Variants in RALA observed in about 807,000 individuals in gnomAD.
RALA encodes the protein RAS like proto-oncogene A, also known as ras-related protein Ral-A.
RALA carries 5 observed loss-of-function variants against 24.0 expected under a neutral mutation model. The observed-to-expected ratio is 0.21, with a 90% CI of 0.11 to 0.44. The LOEUF (loss-of-function observed/expected upper bound fraction) is 0.44. RALA is among the 20% of genes least tolerant of loss of function. The pLI is 0.99. For synonymous variants in RALA, 77 were observed against 83.8 expected (o/e 0.92, Z 0.44); for missense variants, 95 against 241.2 (o/e 0.39, Z 4.01).
chr7:39,705,392 A>G (rs1407247956), intron 4 of RALA, among the ~76,000 whole-genome samples: 1 of 152,224 alleles, frequency 6.6e-6, no homozygotes, highest in Non-Finnish European at 1.5e-5. Context: ...TCCTCCTTTT[A>G]TCATATACTC....
intron 1 of RALA, among the ~76,000 whole-genome samples, chr7:39,662,603 A>C (rs531036398): frequency 6.6e-6 from 1 of 152,146 alleles, no homozygotes; most frequent in South Asian, 2.1e-4. Flanking sequence ...CTTTACTCCA[A>C]TTCCCAACAA....
chr7:39,696,213 T>C (rs1468683484), intron 3 of RALA, among the ~76,000 whole-genome samples: 1 of 152,198 alleles, frequency 6.6e-6, no homozygotes, highest in Non-Finnish European at 1.5e-5. Flanking sequence ...TGAAAAACAA[T>C]TGGTGGGACC....
At chr7:39,635,387 T>C (rs890824735) in intron 1 of RALA, among the ~76,000 whole-genome samples, 3 of 151,962 alleles carry the variant, frequency 2.0e-5, no homozygotes, top group Admixed American at 1.3e-4. Flanking sequence ...AAAGAAAAAG[T>C]ACAATTTAGT....
At chr7:39,637,917 G>A (rs925699500) in intron 1 of RALA, among the ~76,000 whole-genome samples, 2 of 152,132 alleles carry the variant, frequency 1.3e-5, no homozygotes, top group Admixed American at 1.3e-4. Context: ...TCACCTTTGT[G>A]TACTTCAGCT....
At chr7:39,668,007 A>G (rs557003851) in intron 1 of RALA, among the ~76,000 whole-genome samples, 94 of 152,392 alleles carry the variant, frequency 6.2e-4, no homozygotes, top group East Asian at 2.3e-3. Context: ...AGTCTAGCCA[A>G]TGGTGACATG....
Position 39,678,195 on chromosome 7 carries a change from A to T in RALA, c.-37-8436A>T, listed in dbSNP as rs973308613. On this transcript the variant is annotated intron_variant, in intron 1 of 4. Coordinates refer to ENST00000005257, the MANE Select transcript of RALA (RefSeq NM_005402.4). Reference sequence around the variant, plus strand: ...GTACCCTAAAACTTAAAGTATAATTAAAAAAAAAAAAAAAGATTCATTTTG... The same window carrying T: ...GTACCCTAAAACTTAAAGTATAATTTAAAAAAAAAAAAAAGATTCATTTTG... 4.6e-5 allele frequency among the ~76,000 whole-genome samples: 6 copies of T among 130,726 alleles called. No individual in the cohort carries two copies. The East Asian group carries it at 6.5e-4, about 14-fold the overall frequency. The allele number at this position is 130,726 out of a possible 152,430, so 85.8% of individuals were successfully genotyped here. A position where few individuals can be genotyped will look rare whatever the true frequency, so the allele number is the denominator to read the frequency against.
intron 2 of RALA, among the ~76,000 whole-genome samples, chr7:39,688,572 A>T (rs113088401): frequency 0.02 from 2,733 of 135,470 alleles, 55 homozygotes; most frequent in Admixed American, 0.072. Flanking sequence ...GAATATTCAC[A>T]TGCCTAATTT....
chr7:39,653,368 C>A (rs1213164047), intron 1 of RALA, among the ~76,000 whole-genome samples: 1 of 152,042 alleles, frequency 6.6e-6, no homozygotes, highest in Non-Finnish European at 1.5e-5. Flanking sequence ...GCTCTGTCAC[C>A]CAGGCTGAAG....
At chr7:39,695,497 G>A (rs962549195) in intron 3 of RALA, among the ~76,000 whole-genome samples, 5 of 151,246 alleles carry the variant, frequency 3.3e-5, no homozygotes, top group Non-Finnish European at 7.4e-5. Flanking sequence ...CTGCAGCCTT[G>A]AACTCCTGGG....
intron 1 of RALA, among the ~76,000 whole-genome samples, chr7:39,678,863 A>G (rs1792536610): frequency 6.6e-6 from 1 of 152,174 alleles, no homozygotes; most frequent in Admixed American, 6.5e-5. Flanking sequence ...TAAATAAAGT[A>G]TACATTTACA....
chr7:39,699,137 T>A (rs978892024), intron 4 of RALA, among the ~76,000 whole-genome samples: 81 of 124,762 alleles, frequency 6.5e-4, no homozygotes, highest in African/African-American at 2.1e-3. Context: ...TTTTTTTTTT[T>A]TTTTTTTTTT....
intron 1 of RALA, among the ~76,000 whole-genome samples, chr7:39,627,213 G>A (rs1332362475): frequency 3.3e-5 from 5 of 151,752 alleles, no homozygotes; most frequent in Admixed American, 6.6e-5. Context: ...TTGGGTTGCC[G>A]TATAGAAAAA....
At chr7:39,644,370 G>A (rs1225294397) in intron 1 of RALA, among the ~76,000 whole-genome samples, 1 of 152,020 alleles carries the variant, frequency 6.6e-6, no homozygotes, top group African/African-American at 2.4e-5. Context: ...CTGTGTTGAG[G>A]TTTATCCCAG....
At chr7:39,688,307 CAGG>C (rs911626020) in intron 2 of RALA, among the ~76,000 whole-genome samples, 2 of 151,780 alleles carry the variant, frequency 1.3e-5, no homozygotes, top group African/African-American at 4.8e-5. Flanking sequence ...GAGGCTGAGG[CAGG>C]AGGATCATTT....
At chr7:39,667,590 A>G (rs977715025) in intron 1 of RALA, among the ~76,000 whole-genome samples, 4 of 152,244 alleles carry the variant, frequency 2.6e-5, no homozygotes, top group African/African-American at 9.6e-5. Flanking sequence ...CAATGAGTCA[A>G]TAGGAACAGA....
chr7:39,663,409 C>T (rs1792228911), intron 1 of RALA, among the ~76,000 whole-genome samples: 1 of 152,164 alleles, frequency 6.6e-6, no homozygotes, highest in Non-Finnish European at 1.5e-5. Flanking sequence ...CAGTTCATCT[C>T]TCCAGTAAAT....
intron 3 of RALA, among the ~76,000 whole-genome samples, chr7:39,693,976 GT>G (rs1792874884): frequency 6.6e-6 from 1 of 152,170 alleles, no homozygotes; most frequent in Non-Finnish European, 1.5e-5. Context: ...GTGTTAGAAT[GT>G]TTGCTACATC....
At chr7:39,670,212 C>G (rs1792356324) in intron 1 of RALA, among the ~76,000 whole-genome samples, 1 of 152,228 alleles carries the variant, frequency 6.6e-6, no homozygotes, top group South Asian at 2.1e-4. Context: ...GTTGTGCAAT[C>G]TTAGCTCATT....
intron 1 of RALA, among the ~76,000 whole-genome samples, chr7:39,656,791 C>T (rs1296104191): frequency 6.6e-6 from 1 of 152,098 alleles, no homozygotes; most frequent in Non-Finnish European, 1.5e-5. Context: ...TTGATCTGGA[C>T]CCTGGATTTT....
Sources: gnomAD v4.1 joint callset for allele counts (sites outside exome capture counted in the v4.1 genomes callset) on GRCh38, gnomAD v4.1.1 for gene constraint, MANE v1.5 for transcripts, NCBI Gene and HGNC (gene_info 2026-07-23, HGNC 2026-07-21) for gene names.